The following CTDSPL2 variants were observed in gnomAD, a reference collection of about 807,000 sequenced individuals.
CTDSPL2 encodes CTD small phosphatase-like protein 2.
Under a neutral mutation model 60.0 loss-of-function variants are expected in CTDSPL2, and 5 were observed. The observed-to-expected ratio is 0.08, with a 90% confidence interval of 0.04 to 0.18. CTDSPL2 has a LOEUF of 0.18. CTDSPL2 is among the 10% of genes least tolerant of loss of function. CTDSPL2 has a pLI of 1.00. For synonymous variants in CTDSPL2, 186 were observed against 189.3 expected, an observed-to-expected ratio of 0.98 and a Z score of 0.14; for missense variants, 370 against 548.8, an observed-to-expected ratio of 0.67 and a Z score of 3.26.
At chr15:44,468,948 G>A (rs1174057177) in intron 2 of CTDSPL2, among the ~76,000 whole-genome samples, 2 of 152,102 alleles carry the variant, frequency 1.3e-5, no homozygotes, top group Non-Finnish European at 2.9e-5. Flanking sequence ...ACTCCTGTTA[G>A]TCACTTAGTA....
intron 1 of CTDSPL2, chr15:44,449,115 G>T: frequency 3.2e-6 from 1 of 312,076 alleles, no homozygotes; most frequent in South Asian, 3.3e-5. Flanking sequence ...TGGGATGTTA[G>T]GATTATTTAA....
chr15:44,521,877 G>T (rs2081777030), intron 12 of CTDSPL2, among the ~76,000 whole-genome samples: 1 of 130,750 alleles, frequency 7.6e-6, no homozygotes, highest in African/African-American at 2.8e-5. Context: ...GGCGGAGCTT[G>T]CAGTGAGCCG....
chr15:44,480,220 A>G (rs2081000776), intron 2 of CTDSPL2, among the ~76,000 whole-genome samples: 1 of 151,992 alleles, frequency 6.6e-6, no homozygotes, highest in African/African-American at 2.4e-5. Context: ...GCAACTCCCC[A>G]ACTCCCCTCC....
At chr15:44,486,132 A>G (rs1277226810) in intron 3 of CTDSPL2, among the ~76,000 whole-genome samples, 1 of 152,228 alleles carries the variant, frequency 6.6e-6, no homozygotes. Flanking sequence ...GCTGTCATTC[A>G]TTAGATAGAA....
At chr15:44,474,471 C>G (rs1247384596) in intron 2 of CTDSPL2, among the ~76,000 whole-genome samples, 1 of 151,846 alleles carries the variant, frequency 6.6e-6, no homozygotes, top group Non-Finnish European at 1.5e-5. Flanking sequence ...GCTTGGGTAA[C>G]AAAGTGAGAC....
In CTDSPL2 at chr15:44,444,757, A is replaced by C. The variant is rs2080168446; in HGVS notation, c.-24-14234A>C. ...TTTTTTTTTTTTTTTTGGCGTTTAG[A>C]TATATAGTTTTCCCAGTACCAGATA... On this transcript the variant is annotated intron_variant, in intron 1 of 12. Coordinates refer to ENST00000260327, the MANE Select transcript of CTDSPL2 (RefSeq NM_016396.3). Among the ~76,000 whole-genome samples, 3 of 137,714 alleles carry C rather than the reference A, an allele frequency of 2.2e-5. No homozygotes were observed. In the South Asian group the frequency reaches 6.9e-4, roughly 32 times the overall value. The allele number at this position is 137,714 out of a possible 152,430, so 90.3% of individuals were successfully genotyped here. A position where few individuals can be genotyped will look rare whatever the true frequency, so the allele number is the denominator to read the frequency against.
At chr15:44,448,979 C>A in intron 1 of CTDSPL2, 1 of 394,882 alleles carries the variant, frequency 2.5e-6, no homozygotes. Context: ...AGAATGTGCT[C>A]AGAACACCAC....
At chr15:44,430,152 AAC>A in intron 1 of CTDSPL2, among the ~76,000 whole-genome samples, 1 of 152,376 alleles carries the variant, frequency 6.6e-6, no homozygotes, top group Middle Eastern at 3.4e-3. Flanking sequence ...ATTATTATAT[AAC>A]AGAGTCCATC....
At chr15:44,436,802 T>C (rs914070142) in intron 1 of CTDSPL2, among the ~76,000 whole-genome samples, 1 of 152,242 alleles carries the variant, frequency 6.6e-6, no homozygotes, top group Admixed American at 6.5e-5. Flanking sequence ...TAATTTTCTT[T>C]ATTTATATGT....
intron 8 of CTDSPL2, among the ~76,000 whole-genome samples, chr15:44,506,350 T>G (rs1050742890): frequency 2.0e-5 from 3 of 151,574 alleles, no homozygotes; most frequent in African/African-American, 7.3e-5. Flanking sequence ...TTGGTAACTT[T>G]TAATATAAAT....
chr15:44,467,295 C>A (rs2080715990), intron 2 of CTDSPL2, among the ~76,000 whole-genome samples: 1 of 152,256 alleles, frequency 6.6e-6, no homozygotes, highest in Non-Finnish European at 1.5e-5. Flanking sequence ...CCTTTGTCAT[C>A]ACTGGGACTT....
intron 1 of CTDSPL2, 37 bp from the exon 2 acceptor site, chr15:44,458,954 T>C: frequency 7.5e-7 from 1 of 1,332,202 alleles, no homozygotes; most frequent in East Asian, 2.7e-5. Flanking sequence ...TTAATAACTT[T>C]TAATTTTTTA....
intron 1 of CTDSPL2, among the ~76,000 whole-genome samples, chr15:44,431,845 G>A (rs2079866514): frequency 6.6e-6 from 1 of 150,570 alleles, no homozygotes; most frequent in Non-Finnish European, 1.5e-5. Context: ...AGCCTCCCAA[G>A]CAGCTGGGAT....
intron 2 of CTDSPL2, among the ~76,000 whole-genome samples, chr15:44,464,614 A>G (rs2080645812): frequency 6.6e-6 from 1 of 152,052 alleles, no homozygotes; most frequent in East Asian, 1.9e-4. Context: ...CACACCCCTC[A>G]CATGGTCAGT....
intron 8 of CTDSPL2, among the ~76,000 whole-genome samples, chr15:44,512,092 A>ACT (rs2081577358): frequency 6.6e-6 from 1 of 151,828 alleles, no homozygotes; most frequent in Non-Finnish European, 1.5e-5. Flanking sequence ...AGCTATGTGG[A>ACT]AGGCTAAGAC....
chr15:44,434,616 A>G (rs1178719937), intron 1 of CTDSPL2, among the ~76,000 whole-genome samples: 1 of 151,952 alleles, frequency 6.6e-6, no homozygotes, highest in African/African-American at 2.4e-5. Context: ...CTGGTCTTGA[A>G]CTCTTAGTCT....
In CTDSPL2 at chr15:44,464,622, A is replaced by C. The variant is rs549428219; in HGVS notation, c.186+5422A>C. ...TGCCCCTCACACCCCTCACATGGTC[A>C]GTCTTCGGTCTGTGTATGGTCTGTG... On this transcript the variant is annotated intron_variant, in intron 2 of 12. Coordinates refer to ENST00000260327, the MANE Select transcript of CTDSPL2 (RefSeq NM_016396.3). 1.9e-4 allele frequency among the ~76,000 whole-genome samples: 29 copies of C among 152,256 alleles called. 1 individual carries two copies. In the South Asian group the frequency reaches 2.1e-3, roughly 11 times the overall value.
chr15:44,454,200 A>C (rs1292800815), intron 1 of CTDSPL2, among the ~76,000 whole-genome samples: 1 of 152,028 alleles, frequency 6.6e-6, no homozygotes, highest in African/African-American at 2.4e-5. Context: ...GCATTTTTTC[A>C]TGTGTCTGTT....
intron 2 of CTDSPL2, among the ~76,000 whole-genome samples, chr15:44,475,805 T>C (rs1170250461): frequency 1.3e-5 from 2 of 152,238 alleles, no homozygotes; most frequent in Non-Finnish European, 2.9e-5. Context: ...CATTTAAATA[T>C]GTCTCATCTA....
Sources: allele counts gnomAD v4.1 joint callset (sites outside exome capture counted in the v4.1 genomes callset), GRCh38; gene constraint gnomAD v4.1.1; transcripts MANE v1.5; gene names NCBI Gene and HGNC (gene_info 2026-07-23, HGNC 2026-07-21).